Variants in CDH12 observed in about 807,000 individuals in gnomAD.
CDH12 encodes cadherin 12.
CDH12 carries 41 observed loss-of-function variants against 74.1 expected under a neutral mutation model. The ratio of observed to expected loss-of-function variants is 0.55; its 90% CI spans 0.43 to 0.72. CDH12 has a LOEUF of 0.72. Ranked by LOEUF, CDH12 falls within the 30% of genes least tolerant of loss-of-function variation. The pLI, the probability that CDH12 is intolerant of heterozygous loss-of-function variation, is 0.00. For synonymous variants in CDH12, 399 were observed against 355.0 expected, an observed-to-expected ratio of 1.12 and a Z score of -1.39; for missense variants, 945 against 977.2, an observed-to-expected ratio of 0.97 and a Z score of 0.44.
At position 22,286,678 on chromosome 5, in the gene CDH12, CTT is replaced by C. The variant is rs56379593; in HGVS notation, c.-332-74037_-332-74036del. ...AAATCACAGTTTCATTCTTTCTTTC[CTT>C]TTTTTTTTTTTTAACTTCACTTAGA... On this transcript the variant is annotated intron_variant, in intron 3 of 14. Coordinates refer to ENST00000382254, the MANE Select transcript of CDH12 (RefSeq NM_004061.5). 8.3e-3 allele frequency among the ~76,000 whole-genome samples: 1,203 copies of C among 145,446 alleles called. 1 individual carries two copies. The highest frequency in any genetic ancestry group is 0.011 in the African/African-American group (457 of 39,872).
rs551267374 is a variant in CDH12 at position 22,196,541 on chromosome 5, A to T, written c.-187+15957T>A. Among the ~76,000 whole-genome samples the T allele has an allele frequency of 2.1e-4, 32 of 152,298 alleles. No homozygotes were observed. The Middle Eastern group carries it at 0.01, about 49-fold the overall frequency. On this transcript the variant is annotated intron_variant, in intron 4 of 14. Coordinates refer to ENST00000382254, the MANE Select transcript of CDH12 (RefSeq NM_004061.5). The stretch of plus-strand genomic sequence containing the variant: ...AGGTGACATCCTATAAACAAGCCAC[A>T]TATACAGTGAGAAACTGCCTACGCT...
chr5:21,777,083 GATTA>G (rs1450090710), intron 11 of CDH12, among the ~76,000 whole-genome samples: 4 of 152,092 alleles, frequency 2.6e-5, no homozygotes, highest in East Asian at 1.9e-4. Flanking sequence ...TTGTCACTCT[GATTA>G]ATTAAACATA....
chr5:22,323,314 A>G (rs1337188939), intron 3 of CDH12, among the ~76,000 whole-genome samples: 2 of 152,070 alleles, frequency 1.3e-5, no homozygotes, highest in Non-Finnish European at 2.9e-5. Flanking sequence ...TATATTAGAT[A>G]AAAACATATG....
intron 1 of CDH12, among the ~76,000 whole-genome samples, chr5:22,751,670 G>A (rs1027334558): frequency 1.3e-5 from 2 of 152,030 alleles, no homozygotes; most frequent in African/African-American, 2.4e-5. Flanking sequence ...TGTAGCTGCC[G>A]CAAAACTGTT....
At chr5:22,448,039 C>T (rs1003001962) in intron 2 of CDH12, among the ~76,000 whole-genome samples, 2 of 143,078 alleles carry the variant, frequency 1.4e-5, no homozygotes, top group African/African-American at 2.6e-5. Flanking sequence ...GTAAACCCAG[C>T]TACTCAGGAG....
At chr5:22,850,211 C>T (rs1315629932) in intron 1 of CDH12, among the ~76,000 whole-genome samples, 2 of 151,958 alleles carry the variant, frequency 1.3e-5, no homozygotes, top group Non-Finnish European at 2.9e-5. Context: ...TTAAAAACAA[C>T]TTTGAGTAAC....
At chr5:22,572,958 A>C (rs2126768644) in intron 1 of CDH12, among the ~76,000 whole-genome samples, 1 of 152,322 alleles carries the variant, frequency 6.6e-6, no homozygotes, top group Non-Finnish European at 1.5e-5. Flanking sequence ...GATTCCACAT[A>C]GTTTGGGAAA....
intron 1 of CDH12, among the ~76,000 whole-genome samples, chr5:22,772,781 C>T (rs2126315907): frequency 6.6e-6 from 1 of 152,168 alleles, no homozygotes; most frequent in Admixed American, 6.6e-5. Flanking sequence ...TAGTTCACAG[C>T]ACAATCTTAA....
At chr5:22,017,310 A>G (rs1220731159) in intron 5 of CDH12, among the ~76,000 whole-genome samples, 1 of 152,118 alleles carries the variant, frequency 6.6e-6, no homozygotes, top group Non-Finnish European at 1.5e-5. Context: ...ATAAGACTTC[A>G]AAAACTGGGA....
At chr5:22,456,090 T>C (rs1745254038) in intron 2 of CDH12, among the ~76,000 whole-genome samples, 1 of 148,048 alleles carries the variant, frequency 6.8e-6, no homozygotes, top group South Asian at 2.2e-4. Context: ...CCATTATTCA[T>C]TTCTGCCATG....
chr5:22,818,419 A>G (rs1247033635), intron 1 of CDH12, among the ~76,000 whole-genome samples: 3 of 151,924 alleles, frequency 2.0e-5, no homozygotes, highest in Non-Finnish European at 2.9e-5. Flanking sequence ...ATCTTCCTCC[A>G]TCCCTTTCAC....
At chr5:22,272,639 T>C (rs1023788612) in intron 3 of CDH12, among the ~76,000 whole-genome samples, 3 of 152,132 alleles carry the variant, frequency 2.0e-5, no homozygotes, top group Admixed American at 6.5e-5. Flanking sequence ...TTAGAGGTTA[T>C]TGTAGGGTTA....
intron 8 of CDH12, among the ~76,000 whole-genome samples, chr5:21,821,366 T>G (rs2149952297): frequency 6.6e-6 from 1 of 151,986 alleles, no homozygotes; most frequent in Middle Eastern, 3.4e-3. Context: ...AAAATAAAGA[T>G]TATAGGACCT....
intron 6 of CDH12, among the ~76,000 whole-genome samples, chr5:21,859,527 G>A (rs765527466): frequency 2.6e-5 from 4 of 151,882 alleles, no homozygotes; most frequent in South Asian, 2.1e-4. Flanking sequence ...ACCATTTCTC[G>A]CATAGCCAGG....
At chr5:21,858,048 T>C (rs1197192784) in intron 6 of CDH12, among the ~76,000 whole-genome samples, 1 of 151,456 alleles carries the variant, frequency 6.6e-6, no homozygotes, top group African/African-American at 2.4e-5. Context: ...AGGTCACCAC[T>C]TCTATTGGAT....
At chr5:22,296,454 G>T (rs1278298255) in intron 3 of CDH12, among the ~76,000 whole-genome samples, 2 of 152,072 alleles carry the variant, frequency 1.3e-5, no homozygotes, top group African/African-American at 2.4e-5. Context: ...TGTTAATCAT[G>T]AATATTAAAG....
At chr5:22,703,898 T>G (rs139782390) in intron 1 of CDH12, among the ~76,000 whole-genome samples, 213 of 152,268 alleles carry the variant, frequency 1.4e-3, no homozygotes, top group African/African-American at 4.9e-3. Context: ...ATACATGCTG[T>G]TTTTTATTAA....
intron 1 of CDH12, among the ~76,000 whole-genome samples, chr5:22,828,104 C>G (rs1235125871): frequency 1.3e-5 from 2 of 152,052 alleles, no homozygotes; most frequent in African/African-American, 4.8e-5. Flanking sequence ...GCAGAAATAA[C>G]TTGTAGCATA....
At chr5:22,152,843 C>A (rs1204907330) in intron 4 of CDH12, among the ~76,000 whole-genome samples, 4 of 152,178 alleles carry the variant, frequency 2.6e-5, no homozygotes, top group Non-Finnish European at 5.9e-5. Context: ...TATCAGCTTT[C>A]AAGAGTGAGA....
Sources: gnomAD v4.1 joint callset for allele counts (sites outside exome capture counted in the v4.1 genomes callset) on GRCh38, gnomAD v4.1.1 for gene constraint, MANE v1.5 for transcripts, NCBI Gene and HGNC (gene_info 2026-07-23, HGNC 2026-07-21) for gene names.